POU2F1: variants seen among roughly 807,000 people sequenced by gnomAD.
The protein encoded by POU2F1 is POU domain, class 2, transcription factor 1.
Under a neutral mutation model 84.9 loss-of-function variants are expected in POU2F1, and 16 were observed. The observed-to-expected ratio is 0.19, with a 90% CI of 0.13 to 0.29. The LOEUF (loss-of-function observed/expected upper bound fraction) is 0.29, where lower values mean the gene tolerates loss of function less well. Ranked by LOEUF, POU2F1 falls within the 10% of genes least tolerant of loss-of-function variation. The probability of loss-of-function intolerance (pLI) is 1.00; values close to 1 mark genes in which losing one functional copy is unlikely to be tolerated. For synonymous variants in POU2F1, 368 were observed against 368.3 expected (o/e 1.00, Z 0.01); for missense variants, 738 against 942.6 (o/e 0.78, Z 2.84).
chr1:167,235,688 A>G (rs1041148539), intron 1 of POU2F1, among the ~76,000 whole-genome samples: 4 of 152,198 alleles, frequency 2.6e-5, no homozygotes, highest in Admixed American at 2.6e-4. Flanking sequence ...ATCCTATTAT[A>G]TACTTGCTGT....
At chr1:167,300,613 C>T (rs961901603) in intron 1 of POU2F1, among the ~76,000 whole-genome samples, 54 of 151,860 alleles carry the variant, frequency 3.6e-4, no homozygotes, top group Admixed American at 2.1e-3. Flanking sequence ...TACAGGTGCA[C>T]GCCACCATGC....
intron 9 of POU2F1, among the ~76,000 whole-genome samples, chr1:167,395,667 T>C (rs1297417308): frequency 6.6e-6 from 1 of 152,174 alleles, no homozygotes; most frequent in African/African-American, 2.4e-5. Context: ...TGCGGTGCCA[T>C]GATCACGGCT....
chr1:167,281,819 A>G (rs559830117), intron 1 of POU2F1, among the ~76,000 whole-genome samples: 20 of 152,328 alleles, frequency 1.3e-4, no homozygotes, highest in African/African-American at 4.8e-4. Context: ...CCAGACTTGT[A>G]AATTCTGCTG....
At chr1:167,412,960 G>C in intron 14 of POU2F1, 66 bp from the exon 15 acceptor site, 1 of 1,316,172 alleles carries the variant, frequency 7.6e-7, no homozygotes, top group Non-Finnish European at 1.1e-6. Context: ...AGTTCCTTTT[G>C]GTGTGTTGTC....
At chr1:167,227,138 A>G (rs1648694522) in intron 1 of POU2F1, among the ~76,000 whole-genome samples, 3 of 152,282 alleles carry the variant, frequency 2.0e-5, no homozygotes, top group South Asian at 2.1e-4. Context: ...GAGAGGATAC[A>G]TTATACTAAC....
intron 2 of POU2F1, among the ~76,000 whole-genome samples, chr1:167,364,848 C>T (rs954994472): frequency 3.9e-5 from 6 of 152,062 alleles, no homozygotes; most frequent in African/African-American, 7.2e-5. Context: ...GGTTTACAGG[C>T]ATAAGCCATT....
chr1:167,312,633 T>G (rs1204557762), intron 1 of POU2F1, among the ~76,000 whole-genome samples: 1 of 152,172 alleles, frequency 6.6e-6, no homozygotes, highest in African/African-American at 2.4e-5. Flanking sequence ...TTTTATAAAT[T>G]GAGTGTAGCC....
intron 1 of POU2F1, among the ~76,000 whole-genome samples, chr1:167,259,060 C>T (rs1004492457): frequency 1.3e-5 from 2 of 152,198 alleles, no homozygotes; most frequent in Non-Finnish European, 2.9e-5. Flanking sequence ...CAGGCTTACT[C>T]GTGTATCTAT....
chr1:167,398,156 T>C (rs1648943191), intron 11 of POU2F1, 23 bp downstream of exon 11: 1 of 1,611,754 alleles, frequency 6.2e-7, no homozygotes, highest in Admixed American at 1.7e-5. Flanking sequence ...TTTACTTTTC[T>C]GTACATGGGA....
intron 1 of POU2F1, among the ~76,000 whole-genome samples, chr1:167,325,252 G>A (rs912403395): frequency 5.9e-5 from 9 of 152,288 alleles, no homozygotes; most frequent in Admixed American, 4.6e-4. Flanking sequence ...TTGGTGTACT[G>A]TTGAGATTGG....
At chr1:167,385,891 C>T (rs1557947316) in intron 8 of POU2F1, among the ~76,000 whole-genome samples, 1 of 152,046 alleles carries the variant, frequency 6.6e-6, no homozygotes, top group Admixed American at 6.5e-5. Context: ...GTCTAAAGAA[C>T]TCATTCAAGT....
chr1:167,424,179 GCCAGCCTGAATA>G lies in POU2F1; in HGVS notation c.*8370_*8381del, dbSNP rs1650810580. On this transcript the variant is annotated 3_prime_UTR_variant, in exon 16 of 16. Transcript: ENST00000367866. The stretch of plus-strand genomic sequence containing the variant: ...CTTTGTAAGAGTAGAGTGGACTAGT[GCCAGCCTGAATA>G]GGTTTAAAACTGCAAACAGTTGGAG... 1 of 152,250 alleles carries G rather than the reference GCCAGCCTGAATA, an allele frequency of 6.6e-6. No homozygotes were observed. The highest frequency in any genetic ancestry group is 6.5e-5 in the Admixed American group (1 of 15,290). The allele number at this position is 152,250 out of a possible 1,614,324, so 9.4% of individuals were successfully genotyped here. A position where few individuals can be genotyped will look rare whatever the true frequency, so the allele number is the denominator to read the frequency against.
At chr1:167,273,571 C>G (rs1404146498) in intron 1 of POU2F1, among the ~76,000 whole-genome samples, 2 of 152,268 alleles carry the variant, frequency 1.3e-5, no homozygotes, top group African/African-American at 4.8e-5. Context: ...AGGCTTACAA[C>G]TTGCCCCATC....
chr1:167,262,956 G>A (rs1651677965), intron 1 of POU2F1, among the ~76,000 whole-genome samples: 2 of 152,204 alleles, frequency 1.3e-5, no homozygotes, highest in Admixed American at 1.3e-4. Context: ...ATCAGGCTAA[G>A]GTGTTTGGAC....
At chr1:167,308,290 C>A (rs1557883380) in intron 1 of POU2F1, among the ~76,000 whole-genome samples, 1 of 152,042 alleles carries the variant, frequency 6.6e-6, no homozygotes, top group Admixed American at 6.5e-5. Context: ...TGGTCTCGAA[C>A]TCCCAATCGC....
At chr1:167,301,944 A>G (rs1654727694) in intron 1 of POU2F1, among the ~76,000 whole-genome samples, 1 of 152,144 alleles carries the variant, frequency 6.6e-6, no homozygotes, top group Admixed American at 6.5e-5. Context: ...GTATTATGTA[A>G]TAAAATATCT....
intron 1 of POU2F1, among the ~76,000 whole-genome samples, chr1:167,228,500 T>C (rs1648811050): frequency 1.3e-5 from 2 of 152,224 alleles, no homozygotes. Flanking sequence ...TTACATGGAA[T>C]AAGGACGTTT....
chr1:167,303,971 T>G (rs1654885789), intron 1 of POU2F1, among the ~76,000 whole-genome samples: 1 of 152,202 alleles, frequency 6.6e-6, no homozygotes, highest in Admixed American at 6.5e-5. Context: ...TTTATAAAAT[T>G]AATGTAGTAA....
intron 1 of POU2F1, among the ~76,000 whole-genome samples, chr1:167,298,737 C>T (rs1418198934): frequency 6.6e-6 from 1 of 152,074 alleles, no homozygotes; most frequent in African/African-American, 2.4e-5. Context: ...ATTCAGTTTG[C>T]TTGAATTCAT....
Sources: allele counts gnomAD v4.1 joint callset (sites outside exome capture counted in the v4.1 genomes callset), GRCh38; gene constraint gnomAD v4.1.1; transcripts MANE v1.5; gene names NCBI Gene and HGNC (gene_info 2026-07-23, HGNC 2026-07-21).